CDYL: variants seen among roughly 807,000 people sequenced by gnomAD.
The protein encoded by CDYL is chromodomain Y like.
In CDYL, 8 loss-of-function variants were observed where a neutral mutation model predicts 47.3. The ratio of observed to expected loss-of-function variants is 0.17; its 90% CI spans 0.10 to 0.31. The LOEUF (loss-of-function observed/expected upper bound fraction) is 0.31. CDYL is among the 10% of genes least tolerant of loss of function. The probability of loss-of-function intolerance (pLI) is 1.00; values close to 1 mark genes in which losing one functional copy is unlikely to be tolerated. For synonymous variants in CDYL, 266 were observed against 265.0 expected, an observed-to-expected ratio of 1.00 and a Z score of -0.04; for missense variants, 471 against 701.4, an observed-to-expected ratio of 0.67 and a Z score of 3.71.
intron 1 of CDYL, among the ~76,000 whole-genome samples, chr6:4,853,647 G>T (rs530841796): frequency 3.9e-5 from 6 of 152,284 alleles, no homozygotes; most frequent in Admixed American, 2.6e-4. Flanking sequence ...CCTGTCTCCT[G>T]CCTTTCTTCT....
chr6:4,947,166 G>A (rs112704614), intron 5 of CDYL, among the ~76,000 whole-genome samples: 69 of 152,312 alleles, frequency 4.5e-4, no homozygotes, highest in Non-Finnish European at 1.0e-4. Flanking sequence ...CAGGCCTGAC[G>A]CCAGGAGAGG....
chr6:4,917,356 G>A (rs1007536482), intron 2 of CDYL, among the ~76,000 whole-genome samples: 1 of 152,140 alleles, frequency 6.6e-6, no homozygotes. Context: ...CTTGCTTTTA[G>A]GAGCTAACCA....
chr6:4,848,566 G>A (rs1760731110), intron 1 of CDYL, among the ~76,000 whole-genome samples: 1 of 152,244 alleles, frequency 6.6e-6, no homozygotes, highest in Admixed American at 6.5e-5. Context: ...ACACAGGAGA[G>A]AGTCTGCACT....
intron 1 of CDYL, among the ~76,000 whole-genome samples, chr6:4,835,346 T>G (rs1307082382): frequency 6.6e-6 from 1 of 152,242 alleles, no homozygotes; most frequent in Non-Finnish European, 1.5e-5. Context: ...CTCCAGACCC[T>G]GTTTGCCTGG....
chr6:4,753,501 T>TA (rs1229722865), intron 3 of CDYL, among the ~76,000 whole-genome samples: 6 of 152,208 alleles, frequency 3.9e-5, no homozygotes, highest in Non-Finnish European at 8.8e-5. Context: ...GCCTGAAGGT[T>TA]ATGCAAATTC....
intron 2 of CDYL, among the ~76,000 whole-genome samples, chr6:4,719,561 T>C (rs1174543200): frequency 6.6e-6 from 1 of 152,166 alleles, no homozygotes; most frequent in Non-Finnish European, 1.5e-5. Flanking sequence ...TTTAGAGCTT[T>C]TAAAATTATT....
At chr6:4,939,151 A>C (rs544022784) in intron 4 of CDYL, among the ~76,000 whole-genome samples, 1 of 152,204 alleles carries the variant, frequency 6.6e-6, no homozygotes, top group Admixed American at 6.5e-5. Context: ...AAAATCCCAG[A>C]TTTCTGGAGG....
chr6:4,933,288 G>T (rs1310174917), intron 2 of CDYL, among the ~76,000 whole-genome samples: 1 of 152,112 alleles, frequency 6.6e-6, no homozygotes, highest in African/African-American at 2.4e-5. Context: ...TGTGCACTTT[G>T]GGCTATGCAC....
At chr6:4,746,776 A>T (rs547227773) in intron 3 of CDYL, among the ~76,000 whole-genome samples, 1 of 152,234 alleles carries the variant, frequency 6.6e-6, no homozygotes, top group South Asian at 2.1e-4. Context: ...GCTGGCATAG[A>T]CTAATGGGAG....
At chr6:4,799,951 C>G (rs910393493) in intron 1 of CDYL, among the ~76,000 whole-genome samples, 2 of 152,130 alleles carry the variant, frequency 1.3e-5, no homozygotes, top group Non-Finnish European at 2.9e-5. Context: ...TCTAGTAATA[C>G]TTTTCGAAGT....
chr6:4,937,956 G>T (rs11965138), intron 4 of CDYL, among the ~76,000 whole-genome samples: 1 of 152,170 alleles, frequency 6.6e-6, no homozygotes, highest in Non-Finnish European at 1.5e-5. Flanking sequence ...GGCCTGCCAT[G>T]AATTACTACT....
chr6:4,722,345 G>A (rs573477581), intron 2 of CDYL, among the ~76,000 whole-genome samples: 1 of 152,126 alleles, frequency 6.6e-6, no homozygotes, highest in African/African-American at 2.4e-5. Flanking sequence ...GATGGCTTAA[G>A]GTAAAGAGTT....
At chr6:4,947,332 C>G (rs1472705097) in intron 5 of CDYL, among the ~76,000 whole-genome samples, 1 of 152,168 alleles carries the variant, frequency 6.6e-6, no homozygotes, top group Non-Finnish European at 1.5e-5. Flanking sequence ...GGGGCATTCA[C>G]CCAGAAGCGC....
intron 1 of CDYL, among the ~76,000 whole-genome samples, chr6:4,851,660 G>A (rs1302285664): frequency 1.3e-5 from 2 of 152,202 alleles, no homozygotes; most frequent in African/African-American, 2.4e-5. Context: ...CACTGCATTC[G>A]CAGACGCATT....
intron 3 of CDYL, among the ~76,000 whole-genome samples, chr6:4,735,473 AC>A (rs1757686315): frequency 6.6e-6 from 1 of 151,934 alleles, no homozygotes; most frequent in African/African-American, 2.4e-5. Flanking sequence ...AAAAAGCTGT[AC>A]CTATTCAGGC....
intron 2 of CDYL, among the ~76,000 whole-genome samples, chr6:4,896,032 C>T (rs561365482): frequency 1.4e-4 from 22 of 152,262 alleles, no homozygotes; most frequent in Admixed American, 7.8e-4. Context: ...TGATCTCTAC[C>T]CCTCTCTCAC....
In CDYL at chr6:4,892,024, GT is replaced by G; in HGVS notation, c.339del (p.Phe113LeufsTer23). 1 of 1,614,218 alleles carries G rather than the reference GT, an allele frequency of 6.2e-7. No individual in the cohort carries two copies. Among genetic ancestry groups the G allele is most frequent in the Non-Finnish European group, 8.5e-7 (1 of 1,180,042 alleles). Reference sequence around the variant, plus strand: ...ACCACGAATCCAAAAACAGCCAGCTGTTTGCTGCCAGCCAGAAGTTCAGGAA... The same window carrying G: ...ACCACGAATCCAAAAACAGCCAGCTGTTGCTGCCAGCCAGAAGTTCAGGAA... ...KDHESKNSQL[F>X]AASQKFRKNT... On this transcript the variant is annotated frameshift_variant, in exon 2 of 7. Transcript: ENST00000397588. LOFTEE classifies it high-confidence loss of function.
intron 1 of CDYL, among the ~76,000 whole-genome samples, chr6:4,888,818 A>G (rs992750979): frequency 2.6e-5 from 4 of 152,066 alleles, no homozygotes; most frequent in Non-Finnish European, 4.4e-5. Flanking sequence ...GTGGTTTCCA[A>G]CTTCTCTTGA....
intron 2 of CDYL, among the ~76,000 whole-genome samples, chr6:4,725,987 C>T (rs1757505727): frequency 6.6e-6 from 1 of 152,250 alleles, no homozygotes; most frequent in African/African-American, 2.4e-5. Flanking sequence ...TTGTCTACAA[C>T]TCCTGACTTG....
Sources: gnomAD v4.1 joint callset for allele counts (sites outside exome capture counted in the v4.1 genomes callset) on GRCh38, gnomAD v4.1.1 for gene constraint, MANE v1.5 for transcripts, NCBI Gene and HGNC (gene_info 2026-07-23, HGNC 2026-07-21) for gene names.